TRPM3: variants seen among roughly 807,000 people sequenced by gnomAD.
TRPM3 encodes the protein transient receptor potential cation channel subfamily M member 3.
TRPM3 carries 77 observed loss-of-function variants against 181.2 expected under a neutral mutation model. The observed-to-expected ratio is 0.42, with a 90% CI of 0.35 to 0.51. TRPM3 has a LOEUF of 0.51. Among genes scored for constraint, TRPM3 ranks in the 20% least tolerant of loss-of-function variants. TRPM3 has a pLI of 0.01. For missense variants in TRPM3, 1,759 were observed against 2,196.7 expected, an observed-to-expected ratio of 0.80 and a Z score of 3.98; for synonymous variants, 745 against 796.4, an observed-to-expected ratio of 0.94 and a Z score of 1.09.
At chr9:71,228,217 AAAG>A (rs560303599) in intron 1 of TRPM3, among the ~76,000 whole-genome samples, 207 of 152,328 alleles carry the variant, frequency 1.4e-3, no homozygotes, top group African/African-American at 4.6e-3. Flanking sequence ...ATATCAACAG[AAAG>A]AAGGACAAAA....
At chr9:71,154,090 G>A (rs1359764183) in intron 1 of TRPM3, among the ~76,000 whole-genome samples, 1 of 151,972 alleles carries the variant, frequency 6.6e-6, no homozygotes, top group Non-Finnish European at 1.5e-5. Flanking sequence ...AAAACCTTTG[G>A]AGTTTATGAT....
intron 1 of TRPM3, among the ~76,000 whole-genome samples, chr9:71,334,546 C>G (rs1318713090): frequency 1.4e-5 from 2 of 147,722 alleles, no homozygotes; most frequent in African/African-American, 4.9e-5. Context: ...CTTACCCACT[C>G]TCAACATTTC....
intron 7 of TRPM3, among the ~76,000 whole-genome samples, chr9:70,781,137 A>G (rs991795747): frequency 3.9e-5 from 6 of 152,010 alleles, no homozygotes; most frequent in Non-Finnish European, 7.4e-5. Flanking sequence ...CATCCTGGCT[A>G]ACACAGTGAA....
In TRPM3 at chr9:70,615,990, T is replaced by C. The variant is rs924599244; in HGVS notation, c.2444A>G (p.Gln815Arg). The C allele has an allele frequency of 6.2e-7, 1 of 1,613,402 alleles. No individual in the cohort carries two copies. The highest frequency in any genetic ancestry group is 8.5e-7 in the Non-Finnish European group (1 of 1,179,698). ...CTCCTTCTCTTGGAGGTGGATTTCC[T>C]GGGCCTGAGACATATAGGGCATGTC... ...KDDMPYMSQA[Q>R]EIHLQEKEAE... Residue 815 changes from glutamine (Q) to arginine (R), a missense_variant, in exon 18 of 26, where the codon CAG (glutamine) becomes CGG (arginine). Physicochemically the swap from Gln to Arg is conservative, Grantham distance 43 (BLOSUM62 1). Transcript: ENST00000677713.
chr9:71,164,186 A>G (rs574450805), intron 1 of TRPM3, among the ~76,000 whole-genome samples: 1 of 152,348 alleles, frequency 6.6e-6, no homozygotes, highest in Non-Finnish European at 1.5e-5. Flanking sequence ...CTGGACAACC[A>G]CTTCATTTAA....
chr9:71,326,332 C>T (rs777406848), intron 1 of TRPM3, among the ~76,000 whole-genome samples: 1 of 152,178 alleles, frequency 6.6e-6, no homozygotes, highest in African/African-American at 2.4e-5. Context: ...AGATGAGGAA[C>T]CTAAGGCCTT....
chr9:70,801,546 T>C (rs981383288), intron 6 of TRPM3, among the ~76,000 whole-genome samples: 5 of 152,174 alleles, frequency 3.3e-5, no homozygotes, highest in Admixed American at 6.5e-5. Context: ...TTGATGGTGC[T>C]GGAAATAAAT....
intron 1 of TRPM3, among the ~76,000 whole-genome samples, chr9:70,967,962 T>C (rs3010431): frequency 0.11 from 17,188 of 152,154 alleles, 1,104 homozygotes; most frequent in African/African-American, 0.16. Context: ...GAGACTGATA[T>C]GTCCTTTAGG....
intron 1 of TRPM3, among the ~76,000 whole-genome samples, chr9:71,103,354 C>G (rs1354039200): frequency 6.6e-6 from 1 of 152,160 alleles, no homozygotes; most frequent in East Asian, 1.9e-4. Flanking sequence ...AGTGCCTGCT[C>G]TCTTATTACC....
At chr9:70,888,040 C>T (rs2096121623) in intron 1 of TRPM3, among the ~76,000 whole-genome samples, 1 of 152,164 alleles carries the variant, frequency 6.6e-6, no homozygotes, top group South Asian at 2.1e-4. Context: ...GTCAAGCAGC[C>T]TATTTCCCAC....
intron 1 of TRPM3, among the ~76,000 whole-genome samples, chr9:71,256,093 G>A (rs2082653739): frequency 6.6e-6 from 1 of 152,166 alleles, no homozygotes; most frequent in Non-Finnish European, 1.5e-5. Flanking sequence ...CAGAAGGATG[G>A]TGACCATGAA....
At chr9:70,831,105 A>G (rs1047731388) in intron 5 of TRPM3, among the ~76,000 whole-genome samples, 1 of 152,186 alleles carries the variant, frequency 6.6e-6, no homozygotes, top group Non-Finnish European at 1.5e-5. Context: ...TTTGCTGATT[A>G]CTGAAAAGTT....
chr9:71,121,713 G>T (rs549403348), upstream of TRPM3: 31 of 863,040 alleles, frequency 3.6e-5, no homozygotes, highest in South Asian at 1.2e-3. Context: ...GGTTTGGGGG[G>T]GAGCCAGGAG....
At chr9:71,107,412 C>G (rs2134153633) in intron 1 of TRPM3, among the ~76,000 whole-genome samples, 1 of 152,264 alleles carries the variant, frequency 6.6e-6, no homozygotes, top group Non-Finnish European at 1.5e-5. Context: ...TCTTCCCAGC[C>G]TGTATTTGGT....
chr9:70,616,396 G>A lies in TRPM3; in HGVS notation c.2359-321C>T, dbSNP rs151016698. On this transcript the variant is annotated intron_variant, in intron 17 of 25. Transcript: ENST00000677713. Reference sequence around the variant, plus strand: ...ACACCCACTTTGCATGTGGGTAACAGAGGAAAGAGAGACTCTATTTAAGGC... The same window carrying A: ...ACACCCACTTTGCATGTGGGTAACAAAGGAAAGAGAGACTCTATTTAAGGC... Among the ~76,000 whole-genome samples, 18 of 152,210 alleles carry A rather than the reference G, an allele frequency of 1.2e-4. No homozygotes were observed. In the East Asian group the frequency reaches 3.5e-3, roughly 29 times the overall value.
intron 1 of TRPM3, among the ~76,000 whole-genome samples, chr9:70,898,835 A>G (rs1013920947): frequency 2.0e-5 from 3 of 152,184 alleles, no homozygotes; most frequent in African/African-American, 7.2e-5. Flanking sequence ...ATTTAAAAGC[A>G]GCCTGAAGAT....
intron 1 of TRPM3, among the ~76,000 whole-genome samples, chr9:71,260,222 T>G (rs868625663): frequency 3.0e-4 from 46 of 152,316 alleles, no homozygotes; most frequent in African/African-American, 1.0e-3. Flanking sequence ...AGGCCTCTGT[T>G]CTGTTCCATT....
intron 1 of TRPM3, among the ~76,000 whole-genome samples, chr9:71,419,812 T>C (rs1339955404): frequency 6.6e-6 from 1 of 151,906 alleles, no homozygotes; most frequent in Non-Finnish European, 1.5e-5. Context: ...TTGGCTTATT[T>C]CCTTCTCATA....
chr9:70,920,298 T>C (rs1343822256), intron 1 of TRPM3, among the ~76,000 whole-genome samples: 1 of 152,242 alleles, frequency 6.6e-6, no homozygotes, highest in Non-Finnish European at 1.5e-5. Flanking sequence ...ACAATGTCTG[T>C]GTGCCTTGCT....
Sources: gnomAD v4.1 joint callset for allele counts (sites outside exome capture counted in the v4.1 genomes callset) on GRCh38, gnomAD v4.1.1 for gene constraint, MANE v1.5 for transcripts, NCBI Gene and HGNC (gene_info 2026-07-23, HGNC 2026-07-21) for gene names.